SLC27A6: variants seen among roughly 807,000 people sequenced by gnomAD.
The protein encoded by SLC27A6 is solute carrier family 27 member 6.
SLC27A6 carries 74 observed loss-of-function variants against 63.9 expected under a neutral mutation model. The ratio of observed to expected loss-of-function variants is 1.16; its 90% CI spans 0.96 to 1.40. The LOEUF (loss-of-function observed/expected upper bound fraction) is 1.40, where lower values mean the gene tolerates loss of function less well. Ranked by LOEUF, SLC27A6 falls within the 40% of genes most tolerant of loss-of-function variation. The pLI is 0.00. For missense variants in SLC27A6, 794 were observed against 732.9 expected (o/e 1.08, Z -0.96); for synonymous variants, 287 against 260.8 (o/e 1.10, Z -0.97).
intron 4 of SLC27A6, among the ~76,000 whole-genome samples, chr5:129,011,287 T>C (rs1225525318): frequency 6.6e-6 from 1 of 152,212 alleles, no homozygotes; most frequent in East Asian, 1.9e-4. Context: ...TTGTTCCATG[T>C]CCTTGCCAAC....
intron 3 of SLC27A6, among the ~76,000 whole-genome samples, chr5:128,989,601 A>G (rs1295963588): frequency 6.6e-6 from 1 of 152,198 alleles, no homozygotes; most frequent in Non-Finnish European, 1.5e-5. Context: ...CTATCTTGCT[A>G]ATTCAACCTT....
At chr5:129,005,649 G>A (rs534859218) in intron 4 of SLC27A6, among the ~76,000 whole-genome samples, 2 of 116,008 alleles carry the variant, frequency 1.7e-5, no homozygotes, top group African/African-American at 6.9e-5. Flanking sequence ...GTCTCGCTCT[G>A]TCGCTCAGGC....
intron 1 of SLC27A6, among the ~76,000 whole-genome samples, chr5:128,982,992 G>A (rs1750645162): frequency 6.6e-6 from 1 of 151,994 alleles, no homozygotes; most frequent in African/African-American, 2.4e-5. Flanking sequence ...TTATCTTGCT[G>A]CTGCTTTGTG....
intron 4 of SLC27A6, among the ~76,000 whole-genome samples, chr5:129,004,446 C>T (rs933095312): frequency 3.9e-5 from 6 of 152,038 alleles, no homozygotes; most frequent in African/African-American, 9.7e-5. Context: ...TCCTGCTTTT[C>T]GTCAGTCTTT....
intron 1 of SLC27A6, among the ~76,000 whole-genome samples, chr5:128,981,682 T>G (rs1750593077): frequency 6.6e-6 from 1 of 152,168 alleles, no homozygotes; most frequent in African/African-American, 2.4e-5. Context: ...TCAATGGTAA[T>G]GCAGTGAAGC....
chr5:129,029,161 T>C (rs1752338857), intron 8 of SLC27A6, among the ~76,000 whole-genome samples: 1 of 152,100 alleles, frequency 6.6e-6, no homozygotes, highest in African/African-American at 2.4e-5. Flanking sequence ...ATTATGGAAA[T>C]ACGAGTTTCT....
At chr5:129,020,971 G>A (rs776371511) in intron 5 of SLC27A6, among the ~76,000 whole-genome samples, 8 of 151,744 alleles carry the variant, frequency 5.3e-5, no homozygotes, top group Non-Finnish European at 1.2e-4. Context: ...TAATACGCAC[G>A]AACTGGTGCC....
At chr5:128,997,994 T>C (rs1259204103) in intron 4 of SLC27A6, among the ~76,000 whole-genome samples, 1 of 151,836 alleles carries the variant, frequency 6.6e-6, no homozygotes, top group Non-Finnish European at 1.5e-5. Flanking sequence ...TTAAACAAAA[T>C]GTAGGTTGAA....
intron 1 of SLC27A6, among the ~76,000 whole-genome samples, chr5:128,968,487 T>A (rs968079505): frequency 3.3e-5 from 5 of 152,192 alleles, no homozygotes; most frequent in African/African-American, 7.2e-5. Context: ...CATTGTGGTT[T>A]TGATTTGCAT....
Position 129,016,044 on chromosome 5 carries a change from A to G in SLC27A6, c.1129A>G (p.Ile377Val), listed in dbSNP as rs762762212. ...ATCTTTCATGAACTACACTGGGAGA[A>G]TTGGAGCAATTGGGAGAACAAATTT... ...SISFMNYTGR[I>V]GAIGRTNLFY... The change falls in exon 5 of 10, where the codon ATT becomes GTT. Residue 377 changes from isoleucine (I) to valine (V), a missense_variant. Transcript: ENST00000262462. 5 of 1,590,002 alleles carry G rather than the reference A, an allele frequency of 3.1e-6. No individual in the cohort carries two copies. The South Asian group carries it at 5.7e-5, about 18-fold the overall frequency.
intron 4 of SLC27A6, among the ~76,000 whole-genome samples, chr5:129,006,926 AT>A (rs34599589): frequency 0.24 from 35,904 of 152,070 alleles, 5,300 homozygotes; most frequent in East Asian, 0.7. Flanking sequence ...AGTTGAATAG[AT>A]TTAAAATTAA....
At chr5:128,987,532 A>G (rs1750829907) in intron 2 of SLC27A6, among the ~76,000 whole-genome samples, 1 of 152,194 alleles carries the variant, frequency 6.6e-6, no homozygotes, top group Non-Finnish European at 1.5e-5. Context: ...AAAACTGACA[A>G]GATAGAGAGG....
intron 4 of SLC27A6, among the ~76,000 whole-genome samples, chr5:128,998,316 T>C (rs909665309): frequency 1.4e-4 from 22 of 151,866 alleles, no homozygotes; most frequent in African/African-American, 5.1e-4. Context: ...AGTAATATTT[T>C]ACATGAATGT....
At chr5:128,975,677 C>T (rs577345495) in intron 1 of SLC27A6, among the ~76,000 whole-genome samples, 6 of 152,236 alleles carry the variant, frequency 3.9e-5, no homozygotes, top group Non-Finnish European at 5.9e-5. Flanking sequence ...TATGTGTTAG[C>T]AGTAAGTTAA....
chr5:128,968,027 T>C (rs1209278131), intron 1 of SLC27A6, among the ~76,000 whole-genome samples: 1 of 152,144 alleles, frequency 6.6e-6, no homozygotes, highest in East Asian at 1.9e-4. Flanking sequence ...TTTTCTGTCC[T>C]TGTGATAGTT....
intron 6 of SLC27A6, among the ~76,000 whole-genome samples, chr5:129,023,947 G>A (rs879929722): frequency 3.3e-5 from 5 of 151,986 alleles, no homozygotes; most frequent in Non-Finnish European, 7.4e-5. Context: ...TACATAAATA[G>A]GGTCGTATGG....
At chr5:128,983,357 A>C (rs1393591326) in intron 1 of SLC27A6, among the ~76,000 whole-genome samples, 3 of 128,786 alleles carry the variant, frequency 2.3e-5, no homozygotes, top group African/African-American at 9.0e-5. Context: ...CAATGGCGTG[A>C]TCTCGGCTCA....
rs181553028 is a variant in SLC27A6, at chr5:129,000,594, G to A, written c.969+10130G>A. 3.9e-5 allele frequency among the ~76,000 whole-genome samples: 6 copies of A among 152,252 alleles called. No individual in the cohort carries two copies. The East Asian group carries it at 1.2e-3, about 29-fold the overall frequency. ...TCAAAGTTTCTATCGTTGCAGGCAG[G>A]GAGTTGGGACTCTGATGCATTCAGG... On this transcript the variant is annotated intron_variant, in intron 4 of 9. Coordinates refer to ENST00000262462, the MANE Select transcript of SLC27A6 (RefSeq NM_001017372.3).
At chr5:128,994,906 G>C (rs2150138834) in intron 4 of SLC27A6, among the ~76,000 whole-genome samples, 1 of 152,252 alleles carries the variant, frequency 6.6e-6, no homozygotes, top group South Asian at 2.1e-4. Context: ...CAAAACTCCA[G>C]TTACAAAAGT....
Sources: gnomAD v4.1 joint callset for allele counts (sites outside exome capture counted in the v4.1 genomes callset) on GRCh38, gnomAD v4.1.1 for gene constraint, MANE v1.5 for transcripts, NCBI Gene and HGNC (gene_info 2026-07-23, HGNC 2026-07-21) for gene names.